WWC2: variants seen among roughly 807,000 people sequenced by gnomAD.
WWC2 encodes protein WWC2.
A neutral mutation model predicts 138.5 loss-of-function variants in WWC2; 101 were observed. That is an observed-to-expected ratio of 0.73 (90% CI 0.62 to 0.86). The LOEUF (loss-of-function observed/expected upper bound fraction) is 0.86. Ranked by LOEUF, WWC2 falls within the 40% of genes least tolerant of loss-of-function variation. The probability of loss-of-function intolerance (pLI) is 0.00; values close to 1 mark genes in which losing one functional copy is unlikely to be tolerated. For missense variants in WWC2, 1,420 were observed against 1,419.4 expected (o/e 1.00, Z -0.01); for synonymous variants, 558 against 538.4 (o/e 1.04, Z -0.50).
At chr4:183,201,957 G>A (rs1218289628) in intron 2 of WWC2, among the ~76,000 whole-genome samples, 1 of 152,140 alleles carries the variant, frequency 6.6e-6, no homozygotes, top group Non-Finnish European at 1.5e-5. Flanking sequence ...AGTTCTCAAG[G>A]GAAGGGGGCA....
At chr4:183,224,366 C>CTTAT (rs912513441) in intron 4 of WWC2, among the ~76,000 whole-genome samples, 27 of 152,036 alleles carry the variant, frequency 1.8e-4, no homozygotes, top group Non-Finnish European at 2.6e-4. Context: ...TATACCATTC[C>CTTAT]TTATTTATTT....
Position 183,260,903 on chromosome 4 carries a change from C to T in WWC2, c.1287-7C>T, listed in dbSNP as rs750256671. 7 of 1,611,674 alleles carry T rather than the reference C, an allele frequency of 4.3e-6. No homozygotes were observed. Among genetic ancestry groups the T allele is most frequent in the Admixed American group, 1.7e-5 (1 of 59,654 alleles). On this transcript the variant is annotated splice_region_variant and splice_polypyrimidine_tract_variant and intron_variant, in intron 10 of 22. Coordinates refer to ENST00000403733, the MANE Select transcript of WWC2 (RefSeq NM_024949.6). ...AGATTTTATGGTGTGTGCTTTTTGT[C>T]TTTCAGCCTCTCTGCCAGCACCCTG...
chr4:183,251,754 T>A (rs756257436), intron 8 of WWC2, among the ~76,000 whole-genome samples: 2 of 152,176 alleles, frequency 1.3e-5, no homozygotes, highest in African/African-American at 2.4e-5. Context: ...TGTTTTAAAG[T>A]TACTAGTGAT....
rs541501322 is a variant in WWC2, at chr4:183,125,022, G to C, written c.131+25400G>C. ...GGAAGCATTCCCAGTGCTCACCATT[G>C]CCAGGGTGTTTGGAGGGGACCCGGG... On this transcript the variant is annotated intron_variant, in intron 1 of 22. Transcript: ENST00000403733. Among the ~76,000 whole-genome samples the C allele has an allele frequency of 5.8e-4, 89 of 152,282 alleles. 3 individuals carry two copies. The South Asian group carries it at 0.018, about 31-fold the overall frequency.
chr4:183,195,623 T>C (rs1014366606), intron 2 of WWC2, among the ~76,000 whole-genome samples: 27 of 152,208 alleles, frequency 1.8e-4, no homozygotes, highest in African/African-American at 6.3e-4. Context: ...GTATAAACAC[T>C]GGAAACTCTC....
chr4:183,214,714 C>T (rs1735703940), intron 4 of WWC2, among the ~76,000 whole-genome samples: 1 of 151,526 alleles, frequency 6.6e-6, no homozygotes, highest in Non-Finnish European at 1.5e-5. Context: ...ATCTCTTGAA[C>T]GTGGGAGGTG....
chr4:183,164,321 AT>A (rs1299662493), intron 1 of WWC2, among the ~76,000 whole-genome samples: 17 of 316 alleles, frequency 0.054, no homozygotes, highest in African/African-American at 0.12. Context: ...TTATATATAC[AT>A]ATATATATAT....
At chr4:183,240,350 G>A (rs1284449393) in intron 5 of WWC2, 88 bp downstream of exon 5, 9 of 1,049,004 alleles carry the variant, frequency 8.6e-6, no homozygotes, top group Non-Finnish European at 1.2e-5. Flanking sequence ...TTACATAAGC[G>A]ATTTCTTAAA....
intron 21 of WWC2, among the ~76,000 whole-genome samples, chr4:183,290,803 A>G (rs1738423192): frequency 6.6e-6 from 1 of 152,208 alleles, no homozygotes; most frequent in Admixed American, 6.5e-5. Flanking sequence ...CTAACAGAAA[A>G]TCTTGTCTAT....
chr4:183,284,389 G>A lies in WWC2; in HGVS notation c.3047G>A (p.Arg1016Lys), dbSNP rs138926716. Residue 1016 changes from arginine to lysine, a missense_variant and splice_region_variant, in exon 19 of 23, where the codon AGG (arginine) becomes AAG (lysine). Coordinates refer to ENST00000403733, the MANE Select transcript of WWC2 (RefSeq NM_024949.6). ...SPGERNQYIC[R>K]LNRSDSDSST... ...GGAGAGCGGAACCAGTACATCTGCA[G>A]GGTAAGGTGGCAGTGCTCGTGGTGA... is the stretch of plus-strand genomic sequence containing the variant. 5.3e-5 allele frequency: 86 copies of A among 1,611,232 alleles called. No individual in the cohort carries two copies. The African/African-American group carries it at 9.1e-4, about 17-fold the overall frequency.
At chr4:183,162,326 A>C (rs1561442668) in intron 1 of WWC2, among the ~76,000 whole-genome samples, 1 of 152,208 alleles carries the variant, frequency 6.6e-6, no homozygotes, top group Non-Finnish European at 1.5e-5. Context: ...TTTTGATAAA[A>C]ATTCTCAAAG....
At chr4:183,130,795 C>A (rs1286302258) in intron 1 of WWC2, among the ~76,000 whole-genome samples, 1 of 152,176 alleles carries the variant, frequency 6.6e-6, no homozygotes, top group Non-Finnish European at 1.5e-5. Flanking sequence ...AACAAGTCAC[C>A]TTCTTCTTTC....
intron 21 of WWC2, among the ~76,000 whole-genome samples, chr4:183,305,355 T>G (rs191356920): frequency 3.7e-4 from 56 of 152,240 alleles, no homozygotes; most frequent in African/African-American, 1.3e-3. Flanking sequence ...GAATAATGAC[T>G]GAGACTTTCT....
At chr4:183,177,821 C>G (rs1205116194) in intron 1 of WWC2, among the ~76,000 whole-genome samples, 1 of 151,978 alleles carries the variant, frequency 6.6e-6, no homozygotes, top group Non-Finnish European at 1.5e-5. Context: ...CTTCTTAAAG[C>G]TTTTTTGGGA....
chr4:183,253,315 T>G (rs558083238), intron 8 of WWC2, among the ~76,000 whole-genome samples: 12 of 152,228 alleles, frequency 7.9e-5, no homozygotes, highest in African/African-American at 2.6e-4. Context: ...TAAAACACAT[T>G]GGAATAAAAT....
chr4:183,282,690 G>C lies in WWC2; in HGVS notation c.2685-18G>C, dbSNP rs372229427. ...CATGCCTGCCTACCAAAAGTGTTTT[G>C]TTTTTGTTTTACCATAGGCTAACAA... On this transcript the variant is annotated intron_variant, in intron 17 of 22. Coordinates refer to ENST00000403733, the MANE Select transcript of WWC2 (RefSeq NM_024949.6). The C allele has an allele frequency of 1.7e-5, 26 of 1,556,260 alleles. No homozygotes were observed. Among genetic ancestry groups the C allele is most frequent in the Non-Finnish European group, 2.3e-5 (26 of 1,149,492 alleles).
intron 2 of WWC2, among the ~76,000 whole-genome samples, chr4:183,202,886 A>G (rs1378150768): frequency 6.6e-6 from 1 of 152,210 alleles, no homozygotes; most frequent in Non-Finnish European, 1.5e-5. Context: ...AGTATCAGAG[A>G]CAGTGTTATA....
intron 1 of WWC2, among the ~76,000 whole-genome samples, chr4:183,135,827 T>C (rs998358009): frequency 6.6e-6 from 1 of 152,180 alleles, no homozygotes; most frequent in Non-Finnish European, 1.5e-5. Flanking sequence ...TTGCTAAATA[T>C]TGAGTTATAG....
At chr4:183,307,902 C>A (rs918782551) in intron 21 of WWC2, among the ~76,000 whole-genome samples, 1 of 152,194 alleles carries the variant, frequency 6.6e-6, no homozygotes, top group Non-Finnish European at 1.5e-5. Flanking sequence ...TTGGGAAGGA[C>A]GTCAGCATTG....
Sources: gnomAD v4.1 joint callset for allele counts (sites outside exome capture counted in the v4.1 genomes callset) on GRCh38, gnomAD v4.1.1 for gene constraint, MANE v1.5 for transcripts, NCBI Gene and HGNC (gene_info 2026-07-23, HGNC 2026-07-21) for gene names.